Variants in MAP4K4 observed in about 807,000 individuals in gnomAD.
The protein encoded by MAP4K4 is mitogen-activated protein kinase kinase kinase kinase 4, also known as HPK/GCK-like kinase HGK.
In MAP4K4, 38 loss-of-function variants were observed where a neutral mutation model predicts 189.6. The ratio of observed to expected loss-of-function variants is 0.20; its 90% confidence interval spans 0.15 to 0.26. The LOEUF (loss-of-function observed/expected upper bound fraction) is 0.26. MAP4K4 is among the 10% of genes least tolerant of loss of function. The probability of loss-of-function intolerance (pLI) is 1.00; values close to 1 mark genes in which losing one functional copy is unlikely to be tolerated. For missense variants in MAP4K4, 1,054 were observed against 1,726.9 expected (o/e 0.61, Z 6.91); for synonymous variants, 610 against 624.3 (o/e 0.98, Z 0.34).
At chr2:101,829,808 A>G (rs1047457587) in intron 6 of MAP4K4, 18 of 475,742 alleles carry the variant, frequency 3.8e-5, no homozygotes, top group African/African-American at 9.8e-5. Flanking sequence ...TTCTCTATAC[A>G]GCAGCCAGAC....
intron 26 of MAP4K4, among the ~76,000 whole-genome samples, chr2:101,876,611 G>A (rs1334225368): frequency 1.3e-5 from 2 of 152,198 alleles, no homozygotes; most frequent in African/African-American, 4.8e-5. Flanking sequence ...AGAGATCATG[G>A]TATCAGATGA....
intron 2 of MAP4K4, among the ~76,000 whole-genome samples, chr2:101,781,006 G>A (rs1317328488): frequency 2.0e-5 from 3 of 152,180 alleles, no homozygotes; most frequent in Admixed American, 2.0e-4. Flanking sequence ...TTTCAAGTGA[G>A]CAAAGAGCAG....
intron 2 of MAP4K4, among the ~76,000 whole-genome samples, chr2:101,753,795 T>G (rs1412836231): frequency 3.9e-5 from 6 of 152,092 alleles, no homozygotes; most frequent in Non-Finnish European, 5.9e-5. Context: ...ATTTAACCAG[T>G]AATGCACTTT....
At position 101,842,589 on chromosome 2, in the gene MAP4K4, T is replaced by G; in HGVS notation, c.950-20T>G. 6.4e-7 allele frequency: 1 copy of G among 1,570,724 alleles called. No individual in the cohort carries two copies. The highest frequency in any genetic ancestry group is 1.2e-5 in the South Asian group (1 of 85,758). On this transcript the variant is annotated intron_variant, in intron 10 of 32. Transcript: ENST00000324219. ...CAGGACTTGTGAACTGTCCCATTTATCTTGTCCTTTTCTTCATAGATGAAA... is the reference window on the plus strand; with the variant it reads ...CAGGACTTGTGAACTGTCCCATTTAGCTTGTCCTTTTCTTCATAGATGAAA...
intron 2 of MAP4K4, among the ~76,000 whole-genome samples, chr2:101,773,702 A>G (rs1205654242): frequency 2.0e-5 from 3 of 152,132 alleles, no homozygotes; most frequent in Non-Finnish European, 2.9e-5. Context: ...CTTTCTAACT[A>G]TCTTTTTTGT....
At chr2:101,873,527 A>G (rs2098115668) in intron 24 of MAP4K4, 120 bp from the exon 25 acceptor site, 2 of 607,798 alleles carry the variant, frequency 3.3e-6, no homozygotes, top group Non-Finnish European at 5.8e-6. Context: ...GGAATGATGC[A>G]AGGCAAATAG....
chr2:101,781,451 G>A (rs932525553), intron 2 of MAP4K4, among the ~76,000 whole-genome samples: 1 of 152,172 alleles, frequency 6.6e-6, no homozygotes, highest in African/African-American at 2.4e-5. Context: ...GACTCTGGAG[G>A]CTGAGAAGCC....
At chr2:101,765,605 G>A (rs1195716943) in intron 2 of MAP4K4, among the ~76,000 whole-genome samples, 1 of 152,154 alleles carries the variant, frequency 6.6e-6, no homozygotes, top group African/African-American at 2.4e-5. Context: ...GATTACAGGT[G>A]TAAATCACAC....
chr2:101,779,931 G>A (rs2086449107), intron 2 of MAP4K4, among the ~76,000 whole-genome samples: 1 of 151,928 alleles, frequency 6.6e-6, no homozygotes, highest in African/African-American at 2.4e-5. Flanking sequence ...AACAAATGCT[G>A]TTGTCAGAGA....
chr2:101,710,988 C>A (rs968122808), intron 2 of MAP4K4, among the ~76,000 whole-genome samples: 1 of 152,214 alleles, frequency 6.6e-6, no homozygotes, highest in Non-Finnish European at 1.5e-5. Flanking sequence ...GCATTTGAAT[C>A]TCCTGTATCA....
chr2:101,816,898 G>C (rs944666808), intron 3 of MAP4K4, among the ~76,000 whole-genome samples: 9 of 152,256 alleles, frequency 5.9e-5, no homozygotes, highest in African/African-American at 1.9e-4. Flanking sequence ...CAGCAAGGAG[G>C]GGAGAGGACC....
At chr2:101,857,729 C>A (rs1010881532) in intron 13 of MAP4K4, among the ~76,000 whole-genome samples, 3 of 152,170 alleles carry the variant, frequency 2.0e-5, no homozygotes, top group East Asian at 3.9e-4. Flanking sequence ...CCACACCCCC[C>A]CAGTTGGCTT....
At chr2:101,770,237 C>G (rs891774069) in intron 2 of MAP4K4, among the ~76,000 whole-genome samples, 124 of 128,896 alleles carry the variant, frequency 9.6e-4, no homozygotes, top group African/African-American at 3.4e-3. Context: ...TTTGTTCATT[C>G]TGATTTTTTT....
rs2098133599 is a variant in MAP4K4 at position 101,874,260 on chromosome 2, T to G, written c.3241+8T>G. 2.5e-6 allele frequency: 4 copies of G among 1,602,038 alleles called. No homozygotes were observed. Among genetic ancestry groups the G allele is most frequent in the Non-Finnish European group, 3.4e-6 (4 of 1,173,696 alleles). On this transcript the variant is annotated splice_region_variant and intron_variant, in intron 26 of 32. Coordinates refer to ENST00000324219, the Ensembl canonical transcript of MAP4K4. ...TGTGTGCTGCCTTATGGGGTAGGTG[T>G]CTAGCCACTACTCCAACACTTTCAT...
At chr2:101,870,478 C>G in intron 23 of MAP4K4, 63 bp downstream of exon 23, 1 of 1,591,842 alleles carries the variant, frequency 6.3e-7, no homozygotes, top group South Asian at 1.1e-5. Context: ...CCCACTTGCT[C>G]ATTCACTCAC....
At chr2:101,758,013 G>T (rs1032583010) in intron 2 of MAP4K4, among the ~76,000 whole-genome samples, 1 of 152,144 alleles carries the variant, frequency 6.6e-6, no homozygotes, top group African/African-American at 2.4e-5. Context: ...TGACAAGAGA[G>T]ACTCCATCTC....
intron 2 of MAP4K4, among the ~76,000 whole-genome samples, chr2:101,762,655 A>C (rs1199328042): frequency 6.6e-6 from 1 of 152,136 alleles, no homozygotes; most frequent in African/African-American, 2.4e-5. Context: ...TCTGGCAGTA[A>C]ATGGAATTTC....
chr2:101,880,743 A>G (rs2098362752), intron 27 of MAP4K4, among the ~76,000 whole-genome samples: 1 of 152,082 alleles, frequency 6.6e-6, no homozygotes, highest in East Asian at 1.9e-4. Flanking sequence ...TCCTGACCTC[A>G]TGATCCGCCC....
At chr2:101,842,450 G>A (rs952421247) in intron 10 of MAP4K4, among the ~76,000 whole-genome samples, 159 bp from the exon 11 acceptor site, 4 of 152,212 alleles carry the variant, frequency 2.6e-5, no homozygotes, top group African/African-American at 9.6e-5. Context: ...CTATGAGAAT[G>A]TGGTGTCTTG....
Sources: allele counts gnomAD v4.1 joint callset (sites outside exome capture counted in the v4.1 genomes callset), GRCh38; gene constraint gnomAD v4.1.1; transcripts MANE v1.5; gene names NCBI Gene and HGNC (gene_info 2026-07-23, HGNC 2026-07-21).